Variants in DSCAML1 observed in about 807,000 individuals in gnomAD.
DSCAML1 encodes cell adhesion molecule DSCAML1.
DSCAML1 carries 38 observed loss-of-function variants against 200.5 expected under a neutral mutation model. That is an observed-to-expected ratio of 0.19 (90% CI 0.15 to 0.25). The LOEUF is 0.25. Among genes scored for constraint, DSCAML1 ranks in the 10% least tolerant of loss-of-function variants. The probability of loss-of-function intolerance (pLI) is 1.00; values close to 1 mark genes in which losing one functional copy is unlikely to be tolerated. For synonymous variants in DSCAML1, 1,215 were observed against 1,165.0 expected (o/e 1.04, Z -0.87); for missense variants, 2,223 against 2,858.8 (o/e 0.78, Z 5.07).
chr11:117,768,526 T>C (rs1006077460), intron 3 of DSCAML1, among the ~76,000 whole-genome samples: 1 of 152,088 alleles, frequency 6.6e-6, no homozygotes, highest in African/African-American at 2.4e-5. Flanking sequence ...TGATGCCAGA[T>C]GATGGAGAAG....
At chr11:117,779,216 CT>C in intron 2 of DSCAML1, among the ~76,000 whole-genome samples, 1 of 152,224 alleles carries the variant, frequency 6.6e-6, no homozygotes, top group Middle Eastern at 3.4e-3. Context: ...AGTTGAAAAG[CT>C]CTTCTAAGTT....
In DSCAML1 at chr11:117,524,962, G is replaced by A. The variant is rs571729106; in HGVS notation, c.780C>T (p.Leu260=). The change falls in exon 5 of 33, where the codon CTC becomes CTT. Residue 260 remains leucine (L), a synonymous_variant. Transcript: ENST00000651296. ...CAGCCGGGAGGGGCCGGCCATCCTT[G>A]AGCCAGCGGATGGCGGGGATAGGGT... ...SGYPIPAIRW[L]KDGRPLPADS... 8 of 1,613,280 alleles carry A rather than the reference G, an allele frequency of 5.0e-6. No homozygotes were observed. In the East Asian group the frequency reaches 8.9e-5, roughly 18 times the overall value.
In DSCAML1 at chr11:117,480,119, C is replaced by G. The variant is rs896844445; in HGVS notation, c.2785+324G>C. Among the ~76,000 whole-genome samples, 1 of 152,216 alleles carries G rather than the reference C, an allele frequency of 6.6e-6. No individual in the cohort carries two copies. The highest frequency in any genetic ancestry group is 1.5e-5 in the Non-Finnish European group (1 of 68,030). On this transcript the variant is annotated intron_variant, in intron 14 of 32. Coordinates refer to ENST00000651296, the MANE Select transcript of DSCAML1 (RefSeq NM_020693.4). The surrounding 1 kb of genome is among the most constrained non-coding windows in gnomAD (Gnocchi z 4.1). ...CCCGTGATGCTTCTGATGCCAGAGACAGCCCACAGCCCTGGGTTCAGTGCC... is the reference window on the plus strand; with the variant it reads ...CCCGTGATGCTTCTGATGCCAGAGAGAGCCCACAGCCCTGGGTTCAGTGCC...
intron 3 of DSCAML1, among the ~76,000 whole-genome samples, chr11:117,626,592 T>C (rs1382669032): frequency 6.6e-6 from 1 of 152,202 alleles, no homozygotes; most frequent in African/African-American, 2.4e-5. Context: ...CTGGTCATGC[T>C]GCCTGCCTTC....
At chr11:117,657,753 TAAGA>T (rs1406461671) in intron 3 of DSCAML1, among the ~76,000 whole-genome samples, 7 of 152,156 alleles carry the variant, frequency 4.6e-5, no homozygotes, top group Admixed American at 2.0e-4. Flanking sequence ...ATTATAGCAT[TAAGA>T]GAGACTTGGA....
intron 19 of DSCAML1, among the ~76,000 whole-genome samples, chr11:117,456,607 T>C (rs1003768063): frequency 6.6e-6 from 1 of 151,804 alleles, no homozygotes; most frequent in Non-Finnish European, 1.5e-5. Flanking sequence ...CATCTGACAC[T>C]GGGTTCTTTG....
chr11:117,678,851 C>T (rs1353389341), intron 3 of DSCAML1, among the ~76,000 whole-genome samples: 1 of 152,240 alleles, frequency 6.6e-6, no homozygotes, highest in African/African-American at 2.4e-5. Flanking sequence ...TTGGCTTCTA[C>T]TCGGAATGGG....
At chr11:117,803,175 C>A (rs1420651265) in intron 1 of DSCAML1, among the ~76,000 whole-genome samples, 1 of 152,088 alleles carries the variant, frequency 6.6e-6, no homozygotes, top group Non-Finnish European at 1.5e-5. Flanking sequence ...CTATCACCGA[C>A]TGGGCCAGCT....
intron 20 of DSCAML1, among the ~76,000 whole-genome samples, chr11:117,449,936 G>A (rs996522683): frequency 4.6e-5 from 7 of 152,164 alleles, no homozygotes; most frequent in African/African-American, 1.7e-4. Flanking sequence ...GAGCATCAGT[G>A]GAAGGGCGGC....
intron 3 of DSCAML1, among the ~76,000 whole-genome samples, chr11:117,636,806 G>A (rs973271514): frequency 1.3e-5 from 2 of 152,152 alleles, no homozygotes; most frequent in Non-Finnish European, 2.9e-5. Flanking sequence ...TTGTAGGGTC[G>A]TTGTAAGGTT....
intron 3 of DSCAML1, among the ~76,000 whole-genome samples, chr11:117,538,126 T>C (rs527794098): frequency 2.6e-5 from 4 of 152,284 alleles, no homozygotes; most frequent in African/African-American, 9.6e-5. Flanking sequence ...TCTGAGGGTG[T>C]GGTGGTCTGG....
At chr11:117,757,016 T>G (rs763087539) in intron 3 of DSCAML1, among the ~76,000 whole-genome samples, 28 of 152,044 alleles carry the variant, frequency 1.8e-4, no homozygotes, top group Non-Finnish European at 3.7e-4. Context: ...GAAATGAAGG[T>G]GCAGAGAGAC....
In DSCAML1 at chr11:117,797,154, C is replaced by A; in HGVS notation, c.-75G>T. On this transcript the variant is annotated 5_prime_UTR_variant, in exon 1 of 33. Coordinates refer to ENST00000651296, the MANE Select transcript of DSCAML1 (RefSeq NM_020693.4). ...GCGGCAGCGCCTCTCCCCCGCTCAG[C>A]GCGCTCCCAGCCGCCCGCACTCGGC... The A allele has an allele frequency of 6.3e-7, 1 of 1,588,268 alleles. No individual in the cohort carries two copies. The highest frequency in any genetic ancestry group is 8.6e-7 in the Non-Finnish European group (1 of 1,168,726).
chr11:117,769,186 A>AT (rs1565273377), intron 3 of DSCAML1, among the ~76,000 whole-genome samples: 1 of 33,878 alleles, frequency 3.0e-5, no homozygotes, highest in Non-Finnish European at 7.7e-5. Flanking sequence ...TATATTATAC[A>AT]TATATATTTT....
intron 3 of DSCAML1, among the ~76,000 whole-genome samples, chr11:117,562,746 T>C (rs2050687526): frequency 6.6e-6 from 1 of 152,218 alleles, no homozygotes; most frequent in African/African-American, 2.4e-5. Flanking sequence ...TGTTTTTCTT[T>C]TTCTGTTTTG....
intron 5 of DSCAML1, among the ~76,000 whole-genome samples, chr11:117,523,711 G>C (rs773883324): frequency 8.1e-4 from 123 of 152,364 alleles, no homozygotes; most frequent in Non-Finnish European, 1.4e-3. Context: ...GTCAGCCTGA[G>C]GGTCTGCAGC....
At chr11:117,813,485 C>G (rs569347941) in intron 1 of DSCAML1, among the ~76,000 whole-genome samples, 77 of 152,340 alleles carry the variant, frequency 5.1e-4, no homozygotes, top group African/African-American at 1.8e-3. Context: ...ACTCTTAACT[C>G]TTGAAGTAAA....
In DSCAML1 at chr11:117,642,017, C is replaced by A. The variant is rs917987792; in HGVS notation, c.512-109495G>T. 2.0e-5 allele frequency among the ~76,000 whole-genome samples: 3 copies of A among 152,154 alleles called. No homozygotes were observed. The highest frequency in any genetic ancestry group is 4.8e-5 in the African/African-American group (2 of 41,432). On this transcript the variant is annotated intron_variant, in intron 3 of 32. Transcript: ENST00000651296. This position sits in a 1 kb window ranked among gnomAD's most constrained non-coding sequence, Gnocchi z 4.1. ...CCAAGCTAGCAGTCTCCTGCTACCC[C>A]ACCCTGCCTCTCCCCACTCCAACAG...
intron 3 of DSCAML1, among the ~76,000 whole-genome samples, chr11:117,773,144 C>T (rs1359752958): frequency 6.6e-6 from 1 of 152,162 alleles, no homozygotes; most frequent in African/African-American, 2.4e-5. Flanking sequence ...TGGTCCCAAG[C>T]CTTCAATTCT....
Sources: gnomAD v4.1 joint callset for allele counts (sites outside exome capture counted in the v4.1 genomes callset) on GRCh38, gnomAD v4.1.1 for gene constraint, Gnocchi (gnomAD v3.1) non-coding constraint, MANE v1.5 for transcripts, NCBI Gene and HGNC (gene_info 2026-07-23, HGNC 2026-07-21) for gene names.